Variants in PDE1C observed in about 807,000 individuals in gnomAD.
PDE1C encodes the protein dual specificity calcium/calmodulin-dependent 3',5'-cyclic nucleotide phosphodiesterase 1C.
Under a neutral mutation model 93.1 loss-of-function variants are expected in PDE1C, and 62 were observed. That is an observed-to-expected ratio of 0.67 (90% CI 0.54 to 0.82). The LOEUF is 0.82. Ranked by LOEUF, PDE1C falls within the 40% of genes least tolerant of loss-of-function variation. PDE1C has a pLI of 0.00. For synonymous variants in PDE1C, 325 were observed against 310.1 expected (o/e 1.05, Z -0.50); for missense variants, 742 against 884.6 (o/e 0.84, Z 2.04).
the PDE1C span, among the ~76,000 whole-genome samples, chr7:31,678,838 T>C: frequency 6.6e-6 from 1 of 152,150 alleles, no homozygotes; most frequent in African/African-American, 2.4e-5. Flanking sequence ...GAGGAAATAG[T>C]TCAGGGCGTA....
the PDE1C span, among the ~76,000 whole-genome samples, chr7:31,622,706 T>G: frequency 9.9e-4 from 150 of 151,144 alleles, no homozygotes; most frequent in Non-Finnish European, 3.1e-4. Flanking sequence ...AACTAGAAAA[T>G]CAAGAGCAAA....
chr7:31,740,866 T>A, the PDE1C span, among the ~76,000 whole-genome samples: 1 of 152,000 alleles, frequency 6.6e-6, no homozygotes, highest in Non-Finnish European at 1.5e-5. Flanking sequence ...GTCAGGAGTT[T>A]GAGACCAGCC....
At chr7:32,161,304 T>C (rs780883482) in intron 3 of PDE1C, among the ~76,000 whole-genome samples, 18 of 152,272 alleles carry the variant, frequency 1.2e-4, no homozygotes, top group Admixed American at 4.6e-4. Context: ...GCAGCCCAGT[T>C]GTGGAGGTAT....
intron 2 of PDE1C, among the ~76,000 whole-genome samples, chr7:31,895,164 C>T (rs192805794): frequency 6.6e-6 from 1 of 152,236 alleles, no homozygotes; most frequent in East Asian, 1.9e-4. Context: ...CTGTGCCCTG[C>T]AAAGGGACAG....
At chr7:31,617,611 A>G in the PDE1C span, among the ~76,000 whole-genome samples, 5 of 150,422 alleles carry the variant, frequency 3.3e-5, no homozygotes, top group South Asian at 8.6e-4. Context: ...CTTTAGAGAC[A>G]ACTTTTACCT....
intron 6 of PDE1C, among the ~76,000 whole-genome samples, chr7:31,868,836 G>T (rs868752009): frequency 8.3e-4 from 125 of 150,274 alleles, no homozygotes; most frequent in African/African-American, 2.9e-3. Flanking sequence ...CAGATGAACA[G>T]AAAATATCTC....
chr7:31,882,475 A>G (rs1471430526), intron 2 of PDE1C, among the ~76,000 whole-genome samples: 1 of 152,136 alleles, frequency 6.6e-6, no homozygotes, highest in Non-Finnish European at 1.5e-5. Context: ...AGCAAAACAC[A>G]TTCCTGGCTA....
chr7:31,881,942 T>C (rs147576020), intron 2 of PDE1C, among the ~76,000 whole-genome samples: 3,835 of 152,294 alleles, frequency 0.025, 64 homozygotes, highest in South Asian at 0.073. Context: ...AAAATGATTG[T>C]CAAATCTCCA....
At chr7:32,090,388 T>C (rs1326926677) in intron 3 of PDE1C, among the ~76,000 whole-genome samples, 2 of 152,146 alleles carry the variant, frequency 1.3e-5, no homozygotes, top group Non-Finnish European at 2.9e-5. Flanking sequence ...TGGTTTTATC[T>C]ACATGGGAGC....
rs138012968 is a variant in PDE1C at position 31,770,112 on chromosome 7, G to T, written c.1960+5552C>A. ...TTATTATTATAGCATCCTAGTGCAT[G>T]TGAAGTGGTATATCACTGTGGTTTT... On this transcript the variant is annotated intron_variant, in intron 17 of 17. Transcript: ENST00000396191. 9.5e-4 allele frequency among the ~76,000 whole-genome samples: 144 copies of T among 152,312 alleles called. 1 individual carries two copies. Among genetic ancestry groups the T allele is most frequent in the African/African-American group, 3.3e-3 (138 of 41,558 alleles).
intron 2 of PDE1C, among the ~76,000 whole-genome samples, chr7:31,961,459 T>A (rs1418632087): frequency 6.6e-6 from 1 of 152,144 alleles, no homozygotes; most frequent in Non-Finnish European, 1.5e-5. Flanking sequence ...ATTTATTTTA[T>A]ATGTAGTATC....
intron 2 of PDE1C, among the ~76,000 whole-genome samples, chr7:32,047,041 G>GTT (rs1401286087): frequency 7.7e-6 from 1 of 129,072 alleles, no homozygotes; most frequent in Non-Finnish European, 1.6e-5. Flanking sequence ...GGGTGTGTGT[G>GTT]TGTGTGTGTG....
chr7:32,190,320 G>A (rs142924105), intron 2 of PDE1C, among the ~76,000 whole-genome samples: 3 of 152,264 alleles, frequency 2.0e-5, no homozygotes, highest in African/African-American at 7.2e-5. Flanking sequence ...TGTTTACTCT[G>A]GGCTTCAGTC....
intron 1 of PDE1C, among the ~76,000 whole-genome samples, chr7:32,220,986 C>A (rs1806816666): frequency 6.6e-6 from 1 of 152,170 alleles, no homozygotes; most frequent in African/African-American, 2.4e-5. Context: ...AGAAAGGAAG[C>A]TCTTCTTCGT....
chr7:31,663,208 G>T, the PDE1C span, among the ~76,000 whole-genome samples: 6 of 152,240 alleles, frequency 3.9e-5, no homozygotes, highest in African/African-American at 1.4e-4. Context: ...GCATTGTCAT[G>T]AACTTCCTGC....
chr7:32,142,403 G>T (rs1563348105), intron 3 of PDE1C, among the ~76,000 whole-genome samples: 1 of 152,118 alleles, frequency 6.6e-6, no homozygotes, highest in Non-Finnish European at 1.5e-5. Flanking sequence ...TATGTTTGGG[G>T]TACTTTGCTC....
Position 31,864,845 on chromosome 7 carries a change from G to A in PDE1C, c.750+97C>T. On this transcript the variant is annotated intron_variant, in intron 7 of 17. Coordinates refer to ENST00000396191, the MANE Select transcript of PDE1C (RefSeq NM_001191057.4). Reference sequence around the variant, plus strand: ...ACAGGAAGTCCATAAAACAATGCATGACTCGTGGCCTCCACCTCATCAGAA... The same window carrying A: ...ACAGGAAGTCCATAAAACAATGCATAACTCGTGGCCTCCACCTCATCAGAA... 3.5e-6 allele frequency: 4 copies of A among 1,144,922 alleles called. No individual in the cohort carries two copies. The South Asian group carries it at 5.7e-5, about 16-fold the overall frequency. 70.9% of individuals were successfully genotyped at this position (1,144,922 alleles called of 1,614,324 possible).
At chr7:32,219,372 T>C (rs1439305520) in intron 1 of PDE1C, among the ~76,000 whole-genome samples, 1 of 152,174 alleles carries the variant, frequency 6.6e-6, no homozygotes, top group East Asian at 1.9e-4. Flanking sequence ...CAAGAAAAGT[T>C]TTTTTATTGG....
chr7:31,878,813 T>A (rs1269349303), intron 4 of PDE1C, among the ~76,000 whole-genome samples, 183 bp downstream of exon 4: 1 of 152,220 alleles, frequency 6.6e-6, no homozygotes, highest in African/African-American at 2.4e-5. Context: ...CTTTTCCTAA[T>A]GATGCTACAG....
Sources: allele counts gnomAD v4.1 joint callset (sites outside exome capture counted in the v4.1 genomes callset), GRCh38; gene constraint gnomAD v4.1.1; transcripts MANE v1.5; gene names NCBI Gene and HGNC (gene_info 2026-07-23, HGNC 2026-07-21).